RABGAP1L: variants seen among roughly 807,000 people sequenced by gnomAD.
RABGAP1L encodes RAB GTPase activating protein 1 like, also known as rab GTPase-activating protein 1-like.
RABGAP1L carries 63 observed loss-of-function variants against 137.7 expected under a neutral mutation model. The ratio of observed to expected loss-of-function variants is 0.46; its 90% confidence interval spans 0.37 to 0.56. The LOEUF (loss-of-function observed/expected upper bound fraction) is 0.56. Among genes scored for constraint, RABGAP1L ranks in the 20% least tolerant of loss-of-function variants. The pLI, the probability that RABGAP1L is intolerant of heterozygous loss-of-function variation, is 0.00. For synonymous variants in RABGAP1L, 431 were observed against 433.7 expected (o/e 0.99, Z 0.08); for missense variants, 1,095 against 1,244.0 (o/e 0.88, Z 1.80).
At chr1:174,447,117 A>G (rs146473215) in intron 13 of RABGAP1L, among the ~76,000 whole-genome samples, 12 of 152,338 alleles carry the variant, frequency 7.9e-5, no homozygotes, top group African/African-American at 2.6e-4. Flanking sequence ...TGCCAAATTA[A>G]TAGCAAAAAT....
intron 19 of RABGAP1L, among the ~76,000 whole-genome samples, chr1:174,857,106 C>T (rs1441299667): frequency 6.6e-6 from 1 of 152,162 alleles, no homozygotes; most frequent in Non-Finnish European, 1.5e-5. Flanking sequence ...TCTACCACTG[C>T]CCCAGGGAAG....
chr1:174,241,541 T>A lies in RABGAP1L; in HGVS notation c.601T>A (p.Phe201Ile). The stretch of plus-strand genomic sequence containing the variant: ...ATCTTTTCCAATCTATAAGGTGTTA[T>A]TCTGTGCACGTGGACATGACGGAAC... ...IASFPIYKVL[F>I]CARGHDGTTE... Residue 201 changes from phenylalanine to isoleucine, a missense_variant, in exon 5 of 26, where the codon TTC (phenylalanine) becomes ATC (isoleucine). Physicochemically the swap from Phe to Ile is conservative, Grantham distance 21 (BLOSUM62 0). Around this residue, in one of 4 missense-constraint regions of RABGAP1L, gnomAD observed 356 missense variants for 326.3 expected, o/e 1.09. Transcript: ENST00000681986. 1 of 1,613,302 alleles carries A rather than the reference T, an allele frequency of 6.2e-7. No homozygotes were observed. The highest frequency in any genetic ancestry group is 8.5e-7 in the Non-Finnish European group (1 of 1,179,294).
At chr1:174,704,731 T>C (rs965342683) in intron 17 of RABGAP1L, among the ~76,000 whole-genome samples, 6 of 152,246 alleles carry the variant, frequency 3.9e-5, no homozygotes, top group African/African-American at 7.2e-5. Flanking sequence ...TAAAACTTTA[T>C]TCAAAGTCAC....
intron 13 of RABGAP1L, among the ~76,000 whole-genome samples, chr1:174,535,677 GA>G (rs1490382418): frequency 6.6e-6 from 1 of 151,968 alleles, no homozygotes. Context: ...TAGTTTAGGG[GA>G]AATAATTAGT....
At chr1:174,234,659 G>C in intron 4 of RABGAP1L, among the ~76,000 whole-genome samples, 1 of 151,532 alleles carries the variant, frequency 6.6e-6, no homozygotes, top group Non-Finnish European at 1.5e-5. Flanking sequence ...ATGCTGTTTT[G>C]GTTACTGTAG....
rs1396453131 is a variant in RABGAP1L, at chr1:174,448,844, C to T, written c.1710+54699C>T. On this transcript the variant is annotated intron_variant, in intron 13 of 25. Coordinates refer to ENST00000681986, the MANE Select transcript of RABGAP1L (RefSeq NM_001366446.1). This position sits in a 1 kb window ranked among gnomAD's most constrained non-coding sequence, Gnocchi z 4.2. ...GATAAATGACCGAAGAGCCCGATTC[C>T]CTAGTCATGAGGTAGATTCTTCCAG... 2.5e-6 allele frequency: 4 copies of T among 1,613,994 alleles called. No individual in the cohort carries two copies. The highest frequency in any genetic ancestry group is 2.7e-5 in the African/African-American group (2 of 74,924).
intron 3 of RABGAP1L, among the ~76,000 whole-genome samples, chr1:174,227,887 G>C (rs555725970): frequency 7.6e-6 from 1 of 131,904 alleles, no homozygotes; most frequent in African/African-American, 2.9e-5. Context: ...GTTATATTTT[G>C]AAGAAATTAA....
At chr1:174,484,752 T>G (rs1359041622) in intron 13 of RABGAP1L, among the ~76,000 whole-genome samples, 1 of 152,156 alleles carries the variant, frequency 6.6e-6, no homozygotes, top group Non-Finnish European at 1.5e-5. Context: ...GTTTTGGTTA[T>G]GTAGCTCTGT....
At chr1:174,306,234 C>T (rs989828753) in intron 11 of RABGAP1L, among the ~76,000 whole-genome samples, 12 of 152,114 alleles carry the variant, frequency 7.9e-5, no homozygotes, top group East Asian at 5.8e-4. Context: ...TACGTGTGCA[C>T]GTGTCTTTAT....
chr1:174,435,230 C>T (rs1653119930), intron 13 of RABGAP1L, among the ~76,000 whole-genome samples: 1 of 152,116 alleles, frequency 6.6e-6, no homozygotes, highest in Admixed American at 6.5e-5. Context: ...GTTGCCCAGG[C>T]TTGTCTTGAA....
intron 13 of RABGAP1L, among the ~76,000 whole-genome samples, chr1:174,572,694 T>C (rs1421991680): frequency 6.6e-6 from 1 of 152,182 alleles, no homozygotes; most frequent in East Asian, 1.9e-4. Context: ...GTTGTGTTTT[T>C]AAATACGTTA....
chr1:174,534,775 C>CAAAAA (rs71117567), intron 13 of RABGAP1L, among the ~76,000 whole-genome samples: 37 of 71,616 alleles, frequency 5.2e-4, no homozygotes, highest in East Asian at 1.5e-3. Context: ...ACTCTGTCTC[C>CAAAAA]AAAAAAAAAA....
intron 19 of RABGAP1L, among the ~76,000 whole-genome samples, chr1:174,935,836 C>A (rs1664684484): frequency 6.6e-6 from 1 of 151,974 alleles, no homozygotes; most frequent in South Asian, 2.1e-4. Flanking sequence ...AAAAAATTAG[C>A]TGAGCGTGGT....
intron 14 of RABGAP1L, among the ~76,000 whole-genome samples, chr1:174,653,150 A>G (rs1033598814): frequency 6.6e-6 from 1 of 152,060 alleles, no homozygotes. Context: ...CCCTCCCCCA[A>G]CCAAGCTGGA....
chr1:174,696,800 T>G (rs889407242), intron 15 of RABGAP1L, among the ~76,000 whole-genome samples: 2 of 152,224 alleles, frequency 1.3e-5, no homozygotes, highest in African/African-American at 4.8e-5. Context: ...CTTCCATGCC[T>G]TCTTCCTTGA....
At chr1:174,826,473 C>T (rs1193467510) in intron 19 of RABGAP1L, among the ~76,000 whole-genome samples, 6 of 152,102 alleles carry the variant, frequency 3.9e-5, no homozygotes, top group African/African-American at 1.2e-4. Flanking sequence ...CCACCTGCCT[C>T]GGCCTCTGAA....
chr1:174,449,553 T>A (rs1345271682), intron 13 of RABGAP1L, among the ~76,000 whole-genome samples: 1 of 152,216 alleles, frequency 6.6e-6, no homozygotes, highest in African/African-American at 2.4e-5. Context: ...TCTGTCTTTC[T>A]CATTTTGTCT....
rs2148999593 is a variant in RABGAP1L at position 174,371,092 on chromosome 1, A to T, written c.1559+20A>T. On this transcript the variant is annotated intron_variant, in intron 12 of 25. Transcript: ENST00000681986. ...AAAATGGTAAAATTTTATTTTTCAT[A>T]CTGAAAATTCTATATTTACATAGTT... The T allele has an allele frequency of 6.7e-6, 9 of 1,352,354 alleles. No individual in the cohort carries two copies. Among genetic ancestry groups the T allele is most frequent in the Non-Finnish European group, 9.2e-6 (9 of 977,040 alleles). The allele number at this position is 1,352,354 out of a possible 1,614,324, so 83.8% of individuals were successfully genotyped here.
At chr1:174,505,470 T>TC (rs1277124679) in intron 13 of RABGAP1L, among the ~76,000 whole-genome samples, 1 of 151,872 alleles carries the variant, frequency 6.6e-6, no homozygotes, top group Non-Finnish European at 1.5e-5. Flanking sequence ...TGAAGACCTT[T>TC]TTTTTTTTTG....
Sources: allele counts gnomAD v4.1 joint callset (sites outside exome capture counted in the v4.1 genomes callset), GRCh38; gene constraint gnomAD v4.1.1; regional missense constraint gnomAD v4.1.1; non-coding constraint Gnocchi (gnomAD v3.1); transcripts MANE v1.5; gene names NCBI Gene and HGNC (gene_info 2026-07-23, HGNC 2026-07-21).